ARHGAP32: variants seen among roughly 807,000 people sequenced by gnomAD.
ARHGAP32 encodes rho GTPase-activating protein 32.
A neutral mutation model predicts 186.5 loss-of-function variants in ARHGAP32; 51 were observed. The ratio of observed to expected loss-of-function variants is 0.27; its 90% CI spans 0.22 to 0.35. The LOEUF (loss-of-function observed/expected upper bound fraction) is 0.35. ARHGAP32 is among the 10% of genes least tolerant of loss of function. ARHGAP32 has a pLI of 1.00. For missense variants in ARHGAP32, 2,186 were observed against 2,623.5 expected (o/e 0.83, Z 3.64); for synonymous variants, 950 against 964.3 (o/e 0.99, Z 0.27).
At chr11:129,044,538 C>A (rs1345617019) in intron 10 of ARHGAP32, among the ~76,000 whole-genome samples, 1 of 152,088 alleles carries the variant, frequency 6.6e-6, no homozygotes, top group Non-Finnish European at 1.5e-5. Context: ...CTATTATTAT[C>A]CCAGTATTTG....
intron 12 of ARHGAP32, among the ~76,000 whole-genome samples, chr11:128,997,209 G>C (rs974797448): frequency 6.6e-6 from 1 of 152,098 alleles, no homozygotes; most frequent in African/African-American, 2.4e-5. Flanking sequence ...AGTTGCAAAA[G>C]TAATCCTCAG....
At chr11:129,169,394 G>A (rs767413636) in intron 1 of ARHGAP32, among the ~76,000 whole-genome samples, 3 of 152,064 alleles carry the variant, frequency 2.0e-5, no homozygotes, top group Non-Finnish European at 2.9e-5. Flanking sequence ...CACTTTGGGA[G>A]GCTGAGGCGG....
intron 10 of ARHGAP32, among the ~76,000 whole-genome samples, chr11:129,054,594 G>GA (rs1224831946): frequency 6.6e-6 from 1 of 151,748 alleles, no homozygotes; most frequent in African/African-American, 2.4e-5. Context: ...CCTTTACCTA[G>GA]AAAAAAGGGT....
intron 5 of ARHGAP32, among the ~76,000 whole-genome samples, chr11:129,116,259 T>G (rs1246590751): frequency 1.3e-5 from 2 of 152,052 alleles, no homozygotes; most frequent in Non-Finnish European, 2.9e-5. Context: ...ATAAGTAAAC[T>G]GCCTGTAAAT....
Position 128,974,863 on chromosome 11 carries a change from T to A in ARHGAP32, c.2334A>T (p.Gly778=). 6.2e-7 allele frequency: 1 copy of A among 1,614,162 alleles called. No individual in the cohort carries two copies. Among genetic ancestry groups the A allele is most frequent in the Non-Finnish European group, 8.5e-7 (1 of 1,180,036 alleles). ...LPHDNESEEE[G]GLLHIPALMS... ...TAAGGGCTGGGATATGAAGCAGCCC[T>A]CCTTCCTCCTCACTCTCATTGTCAT... The change falls in exon 21 of 23, where the codon GGA becomes GGT. Residue 778 remains glycine (G), a synonymous_variant. Coordinates refer to ENST00000682385, the MANE Select transcript of ARHGAP32 (RefSeq NM_001378024.1).
chr11:129,187,026 T>A (rs1226733434), intron 1 of ARHGAP32, among the ~76,000 whole-genome samples: 1 of 152,116 alleles, frequency 6.6e-6, no homozygotes, highest in Non-Finnish European at 1.5e-5. Context: ...TATACCCAAA[T>A]GAAAGGAAAT....
At chr11:129,120,815 T>C (rs189944262) in intron 5 of ARHGAP32, among the ~76,000 whole-genome samples, 1 of 152,206 alleles carries the variant, frequency 6.6e-6, no homozygotes, top group East Asian at 1.9e-4. Flanking sequence ...AGAGAAGGTA[T>C]GTCACTGCAG....
intron 11 of ARHGAP32, among the ~76,000 whole-genome samples, chr11:129,009,368 T>C (rs1485119272): frequency 6.6e-6 from 1 of 152,232 alleles, no homozygotes; most frequent in South Asian, 2.1e-4. Flanking sequence ...CTGGAGTATA[T>C]GTGCAGGATG....
Position 128,995,298 on chromosome 11 carries a change from C to G in ARHGAP32, c.1195+3021G>C, listed in dbSNP as rs557104237. Among the ~76,000 whole-genome samples, 591 of 152,270 alleles carry G rather than the reference C, an allele frequency of 3.9e-3. 2 individuals are homozygous for G. The highest frequency in any genetic ancestry group is 0.014 in the African/African-American group (565 of 41,560). On this transcript the variant is annotated intron_variant, in intron 12 of 22. Coordinates refer to ENST00000682385, the MANE Select transcript of ARHGAP32 (RefSeq NM_001378024.1). ...GATAGCTTACTGTAGTCTCCAACTC[C>G]TGGGGTCCAGCAATCCCCCGACCTC...
Position 128,969,834 on chromosome 11 carries a change from C to G in ARHGAP32, c.5379G>C (p.Ala1793=), listed in dbSNP as rs371954838. The G allele has an allele frequency of 6.2e-7, 1 of 1,614,156 alleles. No homozygotes were observed. Residue 1793 remains alanine, a synonymous_variant, in exon 23 of 23, where the codon GCG becomes GCC. Transcript: ENST00000682385. The surrounding 1 kb of genome is among the most constrained non-coding windows in gnomAD (Gnocchi z 4.8). ...VMSQYDNMTP[A]VQDDLGGIYV... ...AGATCCCACCCAAGTCGTCCTGCAC[C>G]GCCGGGGTCATGTTATCATATTGGG... is the stretch of plus-strand genomic sequence containing the variant.
intron 10 of ARHGAP32, among the ~76,000 whole-genome samples, chr11:129,050,036 G>A (rs1212032129): frequency 6.6e-6 from 1 of 152,126 alleles, no homozygotes; most frequent in Non-Finnish European, 1.5e-5. Context: ...TAGACAGTAT[G>A]TCATTTTGCT....
rs909191992 is a variant in ARHGAP32, at chr11:129,041,127, C to T, written c.964-118G>A. On this transcript the variant is annotated intron_variant, in intron 10 of 22. Coordinates refer to ENST00000682385, the MANE Select transcript of ARHGAP32 (RefSeq NM_001378024.1). Reference sequence around the variant, plus strand: ...TCCCTCCCAAATGATTCTATTATTCCAAGACTCTAAATAACAGATGATGCC... The same window carrying T: ...TCCCTCCCAAATGATTCTATTATTCTAAGACTCTAAATAACAGATGATGCC... 4 of 594,278 alleles carry T rather than the reference C, an allele frequency of 6.7e-6. No individual in the cohort carries two copies. In the South Asian group the frequency reaches 1.2e-4, roughly 17 times the overall value. 36.8% of individuals were successfully genotyped at this position (594,278 alleles called of 1,614,324 possible).
intron 10 of ARHGAP32, among the ~76,000 whole-genome samples, chr11:129,052,453 G>C (rs537697163): frequency 1.3e-5 from 2 of 152,230 alleles, no homozygotes; most frequent in East Asian, 3.9e-4. Flanking sequence ...GCCTGCCTGG[G>C]ATTTTGACTT....
In ARHGAP32 at chr11:128,974,380, T is replaced by C. The variant is rs1350256996; in HGVS notation, c.2817A>G (p.Thr939=). The C allele has an allele frequency of 4.3e-6, 7 of 1,614,246 alleles. No individual in the cohort carries two copies. The highest frequency in any genetic ancestry group is 5.9e-6 in the Non-Finnish European group (7 of 1,180,038). The change falls in exon 21 of 23, where the codon ACA becomes ACG. Residue 939 remains threonine (T), a synonymous_variant. Coordinates refer to ENST00000682385, the MANE Select transcript of ARHGAP32 (RefSeq NM_001378024.1). ...CATTCTGAGCTGTGGTATTTGAGAC[T>C]GTACCAATGACTTCTGACACCCGTG... is the stretch of plus-strand genomic sequence containing the variant. ...LPPRVSEVIG[T]VSNTTAQNAS...
chr11:129,194,507 G>A (rs1944364050), upstream of ARHGAP32, among the ~76,000 whole-genome samples: 1 of 152,204 alleles, frequency 6.6e-6, no homozygotes, highest in East Asian at 1.9e-4. Context: ...GTATAGGGCA[G>A]TATGTGCAGT....
intron 2 of ARHGAP32, among the ~76,000 whole-genome samples, chr11:129,162,653 T>C (rs1943554113): frequency 1.3e-5 from 2 of 152,216 alleles, no homozygotes; most frequent in Non-Finnish European, 2.9e-5. Context: ...GCTTTAGATA[T>C]ACATATTTTT....
intron 1 of ARHGAP32, among the ~76,000 whole-genome samples, chr11:129,166,097 T>G (rs1329193960): frequency 6.6e-6 from 1 of 151,984 alleles, no homozygotes; most frequent in African/African-American, 2.4e-5. Context: ...TATCTGAAAT[T>G]AAGAACTAAC....
At chr11:129,023,923 G>A in intron 11 of ARHGAP32, 2 of 985,384 alleles carry the variant, frequency 2.0e-6, no homozygotes, top group Non-Finnish European at 2.4e-6. Context: ...ATATTTAGCA[G>A]TAGATTCATC....
At chr11:129,190,032 G>A (rs1267185011) in intron 1 of ARHGAP32, among the ~76,000 whole-genome samples, 4 of 152,182 alleles carry the variant, frequency 2.6e-5, no homozygotes, top group Admixed American at 2.6e-4. Context: ...GTATGTGAAT[G>A]GAAATGTAAC....
Sources: gnomAD v4.1 joint callset for allele counts (sites outside exome capture counted in the v4.1 genomes callset) on GRCh38, gnomAD v4.1.1 for gene constraint, Gnocchi (gnomAD v3.1) non-coding constraint, MANE v1.5 for transcripts, NCBI Gene and HGNC (gene_info 2026-07-23, HGNC 2026-07-21) for gene names.